SEPTIN6: variants seen among roughly 807,000 people sequenced by gnomAD.
SEPTIN6 encodes the protein septin-6.
A neutral mutation model predicts 33.6 loss-of-function variants in SEPTIN6; 8 were observed. That is an observed-to-expected ratio of 0.24 (90% CI 0.14 to 0.43). The LOEUF (loss-of-function observed/expected upper bound fraction) is 0.43. Among genes scored for constraint, SEPTIN6 ranks in the 20% least tolerant of loss-of-function variants. SEPTIN6 has a pLI of 1.00. For missense variants in SEPTIN6, 250 were observed against 340.8 expected (o/e 0.73, Z 2.10); for synonymous variants, 131 against 140.0 (o/e 0.94, Z 0.45).
rs2053698170 is a variant in SEPTIN6, at chrX:119,618,333, C to G, written c.*1760G>C. On this transcript the variant is annotated 3_prime_UTR_variant, in exon 11 of 11. Transcript: ENST00000394610. ...CTCACCAATCAATAGAGCACCAAAC[C>G]TACACAGCAAACCTATATTCTTGCT... 5.9e-5 allele frequency: 48 copies of G among 813,431 alleles called. No individual in the cohort carries two copies. The highest frequency in any genetic ancestry group is 6.8e-5 in the Non-Finnish European group (46 of 677,392). The allele number at this position is 813,431 out of a possible 1,213,427, so 67.0% of individuals were successfully genotyped here.
Position 119,619,232 on chromosome X carries a change from A to C in SEPTIN6, c.*861T>G. On this transcript the variant is annotated 3_prime_UTR_variant, in exon 11 of 11. Coordinates refer to ENST00000394610, the MANE Select transcript of SEPTIN6 (RefSeq NM_145799.4). The stretch of plus-strand genomic sequence containing the variant: ...GCTACTGGCCTCACCTTATTGGGAC[A>C]GTATGGAGCCCTTCCGGAAATTACC... 1.2e-6 allele frequency: 1 copy of C among 820,909 alleles called. No individual in the cohort carries two copies. The highest frequency in any genetic ancestry group is 1.5e-6 in the Non-Finnish European group (1 of 681,067). 67.7% of individuals were successfully genotyped at this position (820,909 alleles called of 1,213,427 possible).
At chrX:119,686,856 T>C (rs1006095911) in intron 1 of SEPTIN6, among the ~76,000 whole-genome samples, 1 of 111,773 alleles carries the variant, frequency 8.9e-6, no homozygotes, top group African/African-American at 3.3e-5. Flanking sequence ...TCAGAGAGTC[T>C]CCGAATCACC....
intron 6 of SEPTIN6, 121 bp downstream of exon 6, chrX:119,640,571 C>T: frequency 3.6e-6 from 2 of 554,411 alleles, no homozygotes; most frequent in Admixed American, 3.2e-5. Context: ...TATTTGGGAC[C>T]CATGCCGAAT....
At chrX:119,645,455 T>A (rs1016099382) in intron 5 of SEPTIN6, among the ~76,000 whole-genome samples, 6 of 108,666 alleles carry the variant, frequency 5.5e-5, no homozygotes, top group African/African-American at 2.0e-4. Context: ...TGGAGTGCAA[T>A]GGCGTGATCT....
At chrX:119,661,515 G>T (rs968347690) in intron 3 of SEPTIN6, among the ~76,000 whole-genome samples, 7 of 112,125 alleles carry the variant, frequency 6.2e-5, no homozygotes, top group African/African-American at 1.6e-4. Flanking sequence ...CTTTAAGGGG[G>T]AAATAAAAGA....
intron 3 of SEPTIN6, among the ~76,000 whole-genome samples, chrX:119,659,934 G>A (rs1417593746): frequency 1.8e-5 from 2 of 111,759 alleles, no homozygotes; most frequent in East Asian, 2.8e-4. Context: ...GTGCCATGGC[G>A]CGATCTCAGC....
intron 3 of SEPTIN6, 65 bp downstream of exon 3, chrX:119,663,417 G>A (rs1172355934): frequency 1.1e-6 from 1 of 950,099 alleles, no homozygotes; most frequent in Non-Finnish European, 1.5e-6. Context: ...GATCTCTGTG[G>A]TGAGCTCCTC....
In SEPTIN6 at chrX:119,618,189, G is replaced by A. The variant is rs756653208; in HGVS notation, c.*1904C>T. 128 of 735,927 alleles carry A rather than the reference G, an allele frequency of 1.7e-4. No individual in the cohort carries two copies. In the South Asian group the frequency reaches 3.0e-3, roughly 17 times the overall value. 60.6% of individuals were successfully genotyped at this position (735,927 alleles called of 1,213,427 possible). On this transcript the variant is annotated 3_prime_UTR_variant, in exon 11 of 11. Transcript: ENST00000394610. ...GATTTTTTTTTTTTTTTTTTTGGTC[G>A]TTGGTTTGTTTCTACCTCCAAGCAT...
rs376603466 is a variant in SEPTIN6, at chrX:119,640,677, C to T, written c.787+15G>A. ...GGGGCTTCCTGTGTGTAGCCCTTCC[C>T]GGAGACTCACTCACCCTGCACAGTG... On this transcript the variant is annotated intron_variant, in intron 6 of 10. Transcript: ENST00000394610. 62 of 1,178,622 alleles carry T rather than the reference C, an allele frequency of 5.3e-5. No homozygotes were observed. In the South Asian group the frequency reaches 7.3e-4, roughly 14 times the overall value.
chrX:119,617,099 C>CGTGTGTGTGTGTGTGT lies in SEPTIN6; in HGVS notation c.*2978_*2993dup, dbSNP rs55820919. ...TTAAGAGAAGTGAGGGATGTGTGTACGTGTGTGTGTGTGTGTGTGTGTGTG... is the reference window on the plus strand; with the variant it reads ...TTAAGAGAAGTGAGGGATGTGTGTACGTGTGTGTGTGTGTGTGTGTGTGTGTGTGTGTGTGTGTGTG... On this transcript the variant is annotated 3_prime_UTR_variant, in exon 11 of 11. Coordinates refer to ENST00000394610, the MANE Select transcript of SEPTIN6 (RefSeq NM_145799.4). 9 of 692,415 alleles carry CGTGTGTGTGTGTGTGT rather than the reference C, an allele frequency of 1.3e-5. No homozygotes were observed. In the East Asian group the frequency reaches 2.6e-4, roughly 20 times the overall value. 57.1% of individuals were successfully genotyped at this position (692,415 alleles called of 1,213,427 possible). A position where few individuals can be genotyped will look rare whatever the true frequency, so the allele number is the denominator to read the frequency against.
chrX:119,641,813 C>T (rs1218340464), intron 5 of SEPTIN6, among the ~76,000 whole-genome samples: 2 of 112,603 alleles, frequency 1.8e-5, no homozygotes, highest in Non-Finnish European at 3.8e-5. Flanking sequence ...GTTTACTGAC[C>T]AGGTGAGCCC....
intron 5 of SEPTIN6, among the ~76,000 whole-genome samples, chrX:119,643,031 A>T (rs2054181604): frequency 4.5e-5 from 5 of 111,498 alleles, no homozygotes; most frequent in Non-Finnish European, 7.5e-5. Context: ...TAACTGGGCA[A>T]GTGACACACA....
intron 2 of SEPTIN6, among the ~76,000 whole-genome samples, chrX:119,673,134 G>A (rs1417847379): frequency 9.0e-6 from 1 of 111,724 alleles, no homozygotes; most frequent in Non-Finnish European, 1.9e-5. Flanking sequence ...ACTTTGGTAG[G>A]CTGAGGCAAG....
intron 10 of SEPTIN6, among the ~76,000 whole-genome samples, chrX:119,623,035 G>A (rs1456408410): frequency 1.8e-5 from 2 of 111,918 alleles, no homozygotes; most frequent in Admixed American, 9.6e-5. Context: ...AAACCTCTAT[G>A]GACTTCCTCT....
intron 2 of SEPTIN6, among the ~76,000 whole-genome samples, chrX:119,672,080 C>T (rs1242640111): frequency 8.9e-6 from 1 of 111,878 alleles, no homozygotes; most frequent in South Asian, 3.7e-4. Context: ...GGGCAGGATG[C>T]GTGCATTGCA....
At chrX:119,626,219 G>A (rs1355840938) in intron 9 of SEPTIN6, among the ~76,000 whole-genome samples, 1 of 112,304 alleles carries the variant, frequency 8.9e-6, no homozygotes. Context: ...CTGAAGAGTA[G>A]AGAGGGGTAT....
chrX:119,637,259 G>A, intron 6 of SEPTIN6, 64 bp from the exon 7 acceptor site: 2 of 1,045,502 alleles, frequency 1.9e-6, no homozygotes, highest in Non-Finnish European at 2.7e-6. Flanking sequence ...AGCAGAAATG[G>A]ATGAAACGAG....
chrX:119,636,953 G>T, intron 7 of SEPTIN6, 74 bp downstream of exon 7: 1 of 1,122,902 alleles, frequency 8.9e-7, no homozygotes, highest in Non-Finnish European at 1.2e-6. Context: ...AATTCTCCAG[G>T]GGAAGGCTTC....
At chrX:119,651,669 C>T (rs1329332372) in intron 4 of SEPTIN6, among the ~76,000 whole-genome samples, 1 of 111,062 alleles carries the variant, frequency 9.0e-6, no homozygotes, top group Non-Finnish European at 1.9e-5. Flanking sequence ...GAAAGTCCGT[C>T]TCAAAAATAA....
Sources: allele counts gnomAD v4.1 joint callset (sites outside exome capture counted in the v4.1 genomes callset), GRCh38; gene constraint gnomAD v4.1.1; transcripts MANE v1.5; gene names NCBI Gene and HGNC (gene_info 2026-07-23, HGNC 2026-07-21).